COPS9: variants seen among roughly 807,000 people sequenced by gnomAD.
COPS9 encodes COP9 signalosome subunit 9, also known as COP9 signalosome complex subunit 9.
In COPS9, 8 loss-of-function variants were observed where a neutral mutation model predicts 7.2. The ratio of observed to expected loss-of-function variants is 1.11; its 90% confidence interval spans 0.65 to 2.00. COPS9 has a LOEUF of 2.00. COPS9 is among the 30% of genes most tolerant of loss of function. The probability of loss-of-function intolerance (pLI) is 0.00; values close to 1 mark genes in which losing one functional copy is unlikely to be tolerated. For missense variants in COPS9, 74 were observed against 77.7 expected, an observed-to-expected ratio of 0.95 and a Z score of 0.18; for synonymous variants, 39 against 28.7, an observed-to-expected ratio of 1.36 and a Z score of -1.14.
chr2:240,126,728 T>C (rs1470633743), downstream of COPS9: 2 of 1,614,120 alleles, frequency 1.2e-6, no homozygotes, highest in African/African-American at 2.7e-5. Flanking sequence ...TGAGCACCTC[T>C]AGATAACTTC....
downstream of COPS9, chr2:240,126,699 C>G: frequency 6.2e-7 from 1 of 1,614,186 alleles, no homozygotes; most frequent in Non-Finnish European, 8.5e-7. Flanking sequence ...GCTGACCTCT[C>G]GCCTGCTTCT....
chr2:240,136,264 C>G lies in COPS9; in HGVS notation c.21G>C (p.Glu7Asp). The G allele has an allele frequency of 6.4e-7, 1 of 1,571,502 alleles. No homozygotes were observed. The highest frequency in any genetic ancestry group is 8.6e-7 in the Non-Finnish European group (1 of 1,162,548). Residue 7 changes from glutamate to aspartate, a missense_variant, in exon 1 of 3, where the codon GAG becomes GAC. By Grantham distance (45) the Glu-to-Asp change is conservative (BLOSUM62 2). Coordinates refer to ENST00000607357, the MANE Select transcript of COPS9 (RefSeq NM_001163424.2). MKPAVD[E>D]MFPEGAGPYV... ...AGGGCCCGGCGCCCTCGGGGAACATCTCGTCCACCGCCGGCTTCATCTCGG... is the reference window on the plus strand; with the variant it reads ...AGGGCCCGGCGCCCTCGGGGAACATGTCGTCCACCGCCGGCTTCATCTCGG...
intron 1 of COPS9, among the ~76,000 whole-genome samples, chr2:240,135,240 CG>C (rs1297486155): frequency 6.6e-6 from 1 of 152,126 alleles, no homozygotes; most frequent in Non-Finnish European, 1.5e-5. Flanking sequence ...CTGCTCCTGC[CG>C]GGCCTTCATC....
intron 1 of COPS9, among the ~76,000 whole-genome samples, chr2:240,134,725 T>G (rs2071957405): frequency 6.6e-6 from 1 of 152,038 alleles, no homozygotes; most frequent in Non-Finnish European, 1.5e-5. Context: ...TTTCAGACAC[T>G]CTCAGAAAAG....
At chr2:240,129,819 G>A (rs887157247), downstream of COPS9, 22 of 1,125,028 alleles carry the variant, frequency 2.0e-5, no homozygotes, top group Non-Finnish European at 2.6e-5. Context: ...CCTGCTCCTC[G>A]CCTGCAGATA....
At chr2:240,129,928 G>A, downstream of COPS9, 3 of 1,613,946 alleles carry the variant, frequency 1.9e-6, no homozygotes, top group Non-Finnish European at 2.5e-6. Flanking sequence ...GACACCACAG[G>A]CCGCTCTGCT....
downstream of COPS9, among the ~76,000 whole-genome samples, chr2:240,128,121 A>G (rs2071885136): frequency 6.6e-6 from 1 of 152,234 alleles, no homozygotes; most frequent in Admixed American, 6.5e-5. Context: ...GGCAAAGCGC[A>G]CAGCTCGCAG....
At chr2:240,135,884 G>C in intron 1 of COPS9, 1 of 342,696 alleles carries the variant, frequency 2.9e-6, no homozygotes, top group East Asian at 4.8e-5. Context: ...GGGCCCCCAT[G>C]GGGTGCTGCA....
At chr2:240,133,188 T>A (rs1224228163) in intron 2 of COPS9, among the ~76,000 whole-genome samples, 1 of 152,228 alleles carries the variant, frequency 6.6e-6, no homozygotes, top group African/African-American at 2.4e-5. Context: ...CACCATGGAT[T>A]AAACCAGGAT....
At chr2:240,130,578 C>T (rs1347669502), downstream of COPS9, among the ~76,000 whole-genome samples, 1 of 152,230 alleles carries the variant, frequency 6.6e-6, no homozygotes, top group African/African-American at 2.4e-5. Context: ...GGGAACCTGC[C>T]CACACAGCAG....
chr2:240,126,969 C>T, downstream of COPS9: 2 of 1,601,990 alleles, frequency 1.2e-6, no homozygotes, highest in South Asian at 2.2e-5. Flanking sequence ...GCTCGTGACA[C>T]TAGAACGAGG....
At chr2:240,135,618 A>C (rs1319241833) in intron 1 of COPS9, among the ~76,000 whole-genome samples, 1 of 151,984 alleles carries the variant, frequency 6.6e-6, no homozygotes, top group Non-Finnish European at 1.5e-5. Flanking sequence ...GACCAACAAA[A>C]CCCCAAGACG....
downstream of COPS9, among the ~76,000 whole-genome samples, chr2:240,130,210 G>A (rs1374312901): frequency 1.3e-5 from 2 of 152,246 alleles, no homozygotes; most frequent in Non-Finnish European, 2.9e-5. Flanking sequence ...TCTCAGTAGC[G>A]GGGGCAGCAG....
chr2:240,136,291 G>A lies in COPS9; in HGVS notation c.-7C>T. On this transcript the variant is annotated 5_prime_UTR_variant, in exon 1 of 3. Transcript: ENST00000607357. ...CGTCCACCGCCGGCTTCATCTCGGG[G>A]CCGCGGCGCTCTAGGCTCACTTCCG... 1 of 1,562,468 alleles carries A rather than the reference G, an allele frequency of 6.4e-7. No individual in the cohort carries two copies.
intron 1 of COPS9, 51 bp downstream of exon 1, chr2:240,136,171 T>C: frequency 5.8e-6 from 8 of 1,383,534 alleles, no homozygotes; most frequent in South Asian, 1.7e-5. Context: ...GCCCTTCCGC[T>C]CCCCCTTCCC....
chr2:240,129,875 C>T (rs544231466), downstream of COPS9: 5 of 1,571,630 alleles, frequency 3.2e-6, 1 homozygote, highest in East Asian at 4.5e-5. Flanking sequence ...AACGTGCGGC[C>T]CAGTGCAGAC....
chr2:240,128,385 T>C (rs1211281159), downstream of COPS9, among the ~76,000 whole-genome samples: 6 of 152,130 alleles, frequency 3.9e-5, no homozygotes, highest in African/African-American at 1.4e-4. Context: ...CAAATTCCTC[T>C]CTTGCATGGA....
downstream of COPS9, among the ~76,000 whole-genome samples, chr2:240,127,842 C>T (rs2887263): frequency 0.67 from 101,632 of 152,036 alleles, 35,875 homozygotes; most frequent in African/African-American, 0.91. Context: ...AGGCATCCCT[C>T]GATCAGGGTT....
chr2:240,136,316 G>A (rs777345292), upstream of COPS9: 3 of 1,539,434 alleles, frequency 1.9e-6, no homozygotes, highest in East Asian at 2.7e-5. Context: ...GCTCACTTCC[G>A]GCCTCAGAGC....
Sources: gnomAD v4.1 joint callset for allele counts (sites outside exome capture counted in the v4.1 genomes callset) on GRCh38, gnomAD v4.1.1 for gene constraint, MANE v1.5 for transcripts, NCBI Gene and HGNC (gene_info 2026-07-23, HGNC 2026-07-21) for gene names.